The following SNX1 variants were observed in gnomAD, a reference collection of about 807,000 sequenced individuals.
SNX1 encodes sorting nexin-1.
SNX1 carries 36 observed loss-of-function variants against 71.8 expected under a neutral mutation model. The ratio of observed to expected loss-of-function variants is 0.50; its 90% confidence interval spans 0.38 to 0.66. The LOEUF is 0.66. SNX1 is among the 30% of genes least tolerant of loss of function. SNX1 has a pLI of 0.00. For synonymous variants in SNX1, 254 were observed against 240.7 expected (o/e 1.06, Z -0.51); for missense variants, 612 against 646.7 (o/e 0.95, Z 0.58).
chr15:64,130,406 C>T (rs138830149), intron 10 of SNX1, 85 bp downstream of exon 10: 1 of 1,097,878 alleles, frequency 9.1e-7, no homozygotes, highest in East Asian at 2.4e-5. Context: ...TGTTCCAATC[C>T]TCTCAGCCAT....
chr15:64,136,509 G>A (rs919592330), intron 13 of SNX1, 99 bp downstream of exon 13: 1 of 1,063,784 alleles, frequency 9.4e-7, no homozygotes, highest in East Asian at 2.4e-5. Flanking sequence ...AGAGGTGCCA[G>A]TAACTTGGCA....
In SNX1 at chr15:64,116,891, C is replaced by T. The variant is rs998548054; in HGVS notation, c.272-1226C>T. On this transcript the variant is annotated intron_variant, in intron 2 of 14. Transcript: ENST00000559844. ...ATGAGTCGTTCTGTTCAACTGAGTACTCCCCAGATAGACAAAGGCAGCCCT... is the reference window on the plus strand; with the variant it reads ...ATGAGTCGTTCTGTTCAACTGAGTATTCCCCAGATAGACAAAGGCAGCCCT... Among the ~76,000 whole-genome samples the T allele has an allele frequency of 2.0e-5, 3 of 152,198 alleles. No individual in the cohort carries two copies. The South Asian group carries it at 6.2e-4, about 32-fold the overall frequency.
At chr15:64,127,328 A>T in intron 7 of SNX1, 76 bp downstream of exon 7, 1 of 1,128,602 alleles carries the variant, frequency 8.9e-7, no homozygotes, top group Non-Finnish European at 1.3e-6. Context: ...AAATGACGAG[A>T]CAGTCCATTG....
chr15:64,120,111 C>G (rs1231566309), intron 4 of SNX1, among the ~76,000 whole-genome samples: 1 of 152,100 alleles, frequency 6.6e-6, no homozygotes, highest in Non-Finnish European at 1.5e-5. Flanking sequence ...TTTCCTTGTT[C>G]TAGCTATAGT....
chr15:64,108,855 G>A (rs1488959622), intron 1 of SNX1, among the ~76,000 whole-genome samples: 1 of 151,996 alleles, frequency 6.6e-6, no homozygotes, highest in South Asian at 2.1e-4. Flanking sequence ...AGGCGTGGTG[G>A]TGGGCGCCCA....
chr15:64,116,050 A>C (rs1483126404), intron 2 of SNX1, among the ~76,000 whole-genome samples: 1 of 152,166 alleles, frequency 6.6e-6, no homozygotes, highest in Non-Finnish European at 1.5e-5. Context: ...AACTTTTCTA[A>C]TAGCCTACTA....
In SNX1 at chr15:64,134,018, G is replaced by T. The variant is rs1417068628; in HGVS notation, c.1222-646G>T. On this transcript the variant is annotated intron_variant, in intron 11 of 14. Transcript: ENST00000559844. This position sits in a 1 kb window ranked among gnomAD's most constrained non-coding sequence, Gnocchi z 4.1. ...GAGTGTGTGGTTGGGAAAAAGCAAT[G>T]TGGCCCTATGGTGGTTTTAGGTGTT... Among the ~76,000 whole-genome samples, 1 of 152,210 alleles carries T rather than the reference G, an allele frequency of 6.6e-6. No individual in the cohort carries two copies. Among genetic ancestry groups the T allele is most frequent in the Non-Finnish European group, 1.5e-5 (1 of 68,036 alleles).
chr15:64,142,747 C>G lies in SNX1; in HGVS notation c.*5129C>G, dbSNP rs903774741. 2.2e-6 allele frequency: 1 copy of G among 454,692 alleles called. No individual in the cohort carries two copies. The highest frequency in any genetic ancestry group is 2.0e-5 in the African/African-American group (1 of 49,988). The allele number at this position is 454,692 out of a possible 1,614,324, so 28.2% of individuals were successfully genotyped here. A position where few individuals can be genotyped will look rare whatever the true frequency, so the allele number is the denominator to read the frequency against. ...AGTGCTGAAGATGAGGACTGGACTT[C>G]GAGCTGGTGTGATCCCAGTATTCAG... On this transcript the variant is annotated 3_prime_UTR_variant, in exon 15 of 15. Coordinates refer to ENST00000559844, the MANE Select transcript of SNX1 (RefSeq NM_003099.5).
chr15:64,118,487 CAGG>C (rs2081156526), intron 3 of SNX1, among the ~76,000 whole-genome samples: 1 of 152,224 alleles, frequency 6.6e-6, no homozygotes, highest in Non-Finnish European at 1.5e-5. Context: ...CTTCCACATT[CAGG>C]AGTATAGTTT....
intron 1 of SNX1, among the ~76,000 whole-genome samples, chr15:64,101,398 A>G (rs2080959851): frequency 6.6e-6 from 1 of 152,204 alleles, no homozygotes; most frequent in African/African-American, 2.4e-5. Context: ...TTTACTTAGC[A>G]CAGTGTCCTC....
intron 1 of SNX1, among the ~76,000 whole-genome samples, chr15:64,104,542 G>C (rs1326750908): frequency 2.0e-5 from 3 of 151,912 alleles, no homozygotes; most frequent in Non-Finnish European, 4.4e-5. Flanking sequence ...CAAAGTGCTG[G>C]GATTACAGGC....
At chr15:64,106,591 A>T (rs1269625212) in intron 1 of SNX1, among the ~76,000 whole-genome samples, 1 of 152,238 alleles carries the variant, frequency 6.6e-6, no homozygotes, top group African/African-American at 2.4e-5. Flanking sequence ...AGATGGAATT[A>T]AGATTGCTAA....
At chr15:64,113,234 AC>A (rs1304608914) in intron 2 of SNX1, among the ~76,000 whole-genome samples, 2 of 152,236 alleles carry the variant, frequency 1.3e-5, no homozygotes, top group African/African-American at 4.8e-5. Flanking sequence ...TTTGAAAAAC[AC>A]TAGTATAGGA....
At chr15:64,113,452 C>T (rs1052194494) in intron 2 of SNX1, among the ~76,000 whole-genome samples, 1 of 152,118 alleles carries the variant, frequency 6.6e-6, no homozygotes, top group African/African-American at 2.4e-5. Flanking sequence ...ACTCTGTACA[C>T]AGGACAGGCC....
intron 1 of SNX1, among the ~76,000 whole-genome samples, chr15:64,104,744 G>A (rs1231945861): frequency 1.3e-5 from 2 of 151,764 alleles, no homozygotes; most frequent in Non-Finnish European, 2.9e-5. Context: ...ATTTAGCTGG[G>A]TGTGACAACG....
chr15:64,135,037 G>A (rs993034878), intron 12 of SNX1: 25 of 533,486 alleles, frequency 4.7e-5, no homozygotes, highest in African/African-American at 2.9e-4. Context: ...TCTCTGGCCC[G>A]GCATGGTGGC....
At chr15:64,128,504 G>A (rs1163780061) in intron 8 of SNX1, among the ~76,000 whole-genome samples, 1 of 152,112 alleles carries the variant, frequency 6.6e-6, no homozygotes, top group Non-Finnish European at 1.5e-5. Context: ...GTAAGTGACT[G>A]GGTAGGGCTA....
chr15:64,136,223 A>T (rs2081357893), intron 12 of SNX1, 107 bp from the exon 13 acceptor site: 1 of 836,434 alleles, frequency 1.2e-6, no homozygotes, highest in Admixed American at 1.9e-5. Context: ...GGACAGACAG[A>T]CATAATGATC....
Position 64,129,742 on chromosome 15 carries a change from T to C in SNX1, c.808-174T>C. On this transcript the variant is annotated intron_variant, in intron 8 of 14. Transcript: ENST00000559844. This position sits in a 1 kb window ranked among gnomAD's most constrained non-coding sequence, Gnocchi z 4.4. The stretch of plus-strand genomic sequence containing the variant: ...GATTCTTTTTAACATGGTTCTTTGA[T>C]TTTTCTGTATGGACATGTTAGTTGT... 1 of 566,674 alleles carries C rather than the reference T, an allele frequency of 1.8e-6. No homozygotes were observed. Among genetic ancestry groups the C allele is most frequent in the South Asian group, 2.4e-5 (1 of 42,514 alleles). 35.1% of individuals were successfully genotyped at this position (566,674 alleles called of 1,614,324 possible). A position where few individuals can be genotyped will look rare whatever the true frequency, so the allele number is the denominator to read the frequency against.
Sources: allele counts gnomAD v4.1 joint callset (sites outside exome capture counted in the v4.1 genomes callset), GRCh38; gene constraint gnomAD v4.1.1; non-coding constraint Gnocchi (gnomAD v3.1); transcripts MANE v1.5; gene names NCBI Gene and HGNC (gene_info 2026-07-23, HGNC 2026-07-21).